Variants in NOS2 observed in about 807,000 individuals in gnomAD.
The protein encoded by NOS2 is nitric oxide synthase 2.
Under a neutral mutation model 136.0 loss-of-function variants are expected in NOS2, and 96 were observed. That is an observed-to-expected ratio of 0.71 (90% CI 0.60 to 0.84). NOS2 has a LOEUF of 0.84. Ranked by LOEUF, NOS2 falls within the 40% of genes least tolerant of loss-of-function variation. NOS2 has a pLI of 0.00. For missense variants in NOS2, 1,237 were observed against 1,496.9 expected (o/e 0.83, Z 2.87); for synonymous variants, 539 against 587.5 (o/e 0.92, Z 1.20).
intron 3 of NOS2, 106 bp from the exon 4 acceptor site, chr17:27,789,037 T>C: frequency 4.9e-6 from 7 of 1,441,238 alleles, no homozygotes; most frequent in Non-Finnish European, 6.5e-6. Flanking sequence ...CAGGGCAGGG[T>C]GTCCCTCCAC....
At chr17:27,761,028 C>T in intron 23 of NOS2, 116 bp downstream of exon 23, 1 of 1,041,866 alleles carries the variant, frequency 9.6e-7, no homozygotes, top group Non-Finnish European at 1.4e-6. Flanking sequence ...ACCCCAGTGC[C>T]TTCTTTATGG....
intron 19 of NOS2, 78 bp from the exon 20 acceptor site, chr17:27,765,794 C>G: frequency 1.4e-6 from 2 of 1,404,510 alleles, no homozygotes; most frequent in Non-Finnish European, 1.9e-6. Flanking sequence ...CGAGATTCCC[C>G]AGGAAATGTG....
chr17:27,760,787 C>T, intron 23 of NOS2, 43 bp from the exon 24 acceptor site: 1 of 1,533,582 alleles, frequency 6.5e-7, no homozygotes. Flanking sequence ...TCAGACACCC[C>T]AGGCCCACGC....
At chr17:27,773,268 G>A in intron 12 of NOS2, 25 bp from the exon 13 acceptor site, 3 of 1,568,040 alleles carry the variant, frequency 1.9e-6, no homozygotes, top group Non-Finnish European at 2.6e-6. Flanking sequence ...GGAGATGTGA[G>A]GGCAGGGCGG....
At chr17:27,768,089 G>A (rs11871150) in intron 17 of NOS2, among the ~76,000 whole-genome samples, 126 of 152,150 alleles carry the variant, frequency 8.3e-4, no homozygotes, top group Middle Eastern at 3.4e-3. Context: ...TCACTCAGTC[G>A]CCCAGGCTGG....
At chr17:27,762,035 A>C (rs9906122) in intron 22 of NOS2, among the ~76,000 whole-genome samples, 83,299 of 151,934 alleles carry the variant, frequency 0.55, 23,767 homozygotes, top group African/African-American at 0.69. Flanking sequence ...CAGCTTTGCC[A>C]ACCCAGGCAA....
chr17:27,766,400 C>T, intron 19 of NOS2, 110 bp downstream of exon 19: 1 of 989,406 alleles, frequency 1.0e-6, no homozygotes, highest in South Asian at 1.3e-5. Context: ...GCTGCTAATG[C>T]CAGCATATGC....
chr17:27,768,394 C>G (rs1289231198), intron 17 of NOS2, among the ~76,000 whole-genome samples: 1 of 152,154 alleles, frequency 6.6e-6, no homozygotes, highest in African/African-American at 2.4e-5. Context: ...TATCCTCATG[C>G]CCACACTGGA....
chr17:27,758,253 G>C (rs1334970571), intron 26 of NOS2, among the ~76,000 whole-genome samples: 2 of 152,180 alleles, frequency 1.3e-5, no homozygotes, highest in African/African-American at 2.4e-5. Context: ...TGGAACCAGA[G>C]AGAGGCAGAC....
intron 2 of NOS2, among the ~76,000 whole-genome samples, chr17:27,792,072 A>G (rs1909211099): frequency 6.6e-6 from 1 of 152,242 alleles, no homozygotes; most frequent in South Asian, 2.1e-4. Flanking sequence ...ATTGAGAAGC[A>G]ATGTCTTTGT....
At chr17:27,782,796 T>C in intron 6 of NOS2, 148 bp downstream of exon 6, 1 of 739,082 alleles carries the variant, frequency 1.4e-6, no homozygotes, top group South Asian at 2.0e-5. Context: ...AGGTGCCCCA[T>C]CTCAACATTT....
intron 5 of NOS2, among the ~76,000 whole-genome samples, chr17:27,785,082 G>A (rs549750530): frequency 1.9e-4 from 29 of 152,096 alleles, no homozygotes; most frequent in Admixed American, 1.2e-3. Context: ...AGGTACTAGA[G>A]CATTGATGGG....
intron 17 of NOS2, among the ~76,000 whole-genome samples, chr17:27,768,445 TGGA>T: frequency 6.6e-6 from 1 of 152,198 alleles, no homozygotes; most frequent in Non-Finnish European, 1.5e-5. Flanking sequence ...TGGAGCCACA[TGGA>T]GGAGGCCTGG....
At chr17:27,774,524 G>C in intron 11 of NOS2, 73 bp from the exon 12 acceptor site, 1 of 1,223,876 alleles carries the variant, frequency 8.2e-7, no homozygotes, top group East Asian at 2.8e-5. Context: ...TGGCCGCAGG[G>C]CTCCCAGAGA....
intron 2 of NOS2, among the ~76,000 whole-genome samples, chr17:27,796,128 AAG>A (rs1324875415): frequency 6.6e-6 from 1 of 152,170 alleles, no homozygotes; most frequent in Non-Finnish European, 1.5e-5. Context: ...TCAGCTTTAA[AAG>A]AGAGAGAGAA....
rs28998813 is a variant in NOS2, at chr17:27,795,161, G to A, written c.110+3539C>T. Among the ~76,000 whole-genome samples the A allele has an allele frequency of 7.9e-5, 12 of 152,314 alleles. 1 individual carries two copies. In the East Asian group the frequency reaches 2.3e-3, roughly 29 times the overall value. On this transcript the variant is annotated intron_variant, in intron 2 of 26. Coordinates refer to ENST00000313735, the MANE Select transcript of NOS2 (RefSeq NM_000625.4). Reference sequence around the variant, plus strand: ...TCATGTACGTCTCCCAAACCAGCGAGGAAGACATCCGTTTCCCCGTTTCCT... The same window carrying A: ...TCATGTACGTCTCCCAAACCAGCGAAGAAGACATCCGTTTCCCCGTTTCCT...
chr17:27,759,954 A>T, intron 25 of NOS2, 76 bp downstream of exon 25: 2 of 1,385,018 alleles, frequency 1.4e-6, no homozygotes, highest in Non-Finnish European at 1.9e-6. Context: ...CGGGGAGGCG[A>T]GGGGCCTGTG....
At chr17:27,757,585 T>C (rs529217092) in intron 26 of NOS2, among the ~76,000 whole-genome samples, 54 of 152,356 alleles carry the variant, frequency 3.5e-4, no homozygotes, top group African/African-American at 9.9e-4. Flanking sequence ...CTGCCCAGCG[T>C]TCATCCCCCA....
chr17:27,774,225 C>T, intron 12 of NOS2, 32 bp downstream of exon 12: 1 of 1,422,878 alleles, frequency 7.0e-7, no homozygotes, highest in Non-Finnish European at 9.3e-7. Context: ...CATCTGAGCC[C>T]CCAGGAAGGA....
Sources: gnomAD v4.1 joint callset for allele counts (sites outside exome capture counted in the v4.1 genomes callset) on GRCh38, gnomAD v4.1.1 for gene constraint, MANE v1.5 for transcripts, NCBI Gene and HGNC (gene_info 2026-07-23, HGNC 2026-07-21) for gene names.